Variants in KPNA6 observed in about 807,000 individuals in gnomAD.
The protein encoded by KPNA6 is importin subunit alpha-7.
KPNA6 carries 9 observed loss-of-function variants against 72.0 expected under a neutral mutation model. The observed-to-expected ratio is 0.13, with a 90% CI of 0.08 to 0.22. KPNA6 has a LOEUF of 0.22. Ranked by LOEUF, KPNA6 falls within the 10% of genes least tolerant of loss-of-function variation. The pLI is 1.00. For missense variants in KPNA6, 374 were observed against 655.7 expected, an observed-to-expected ratio of 0.57 and a Z score of 4.69; for synonymous variants, 219 against 242.1, an observed-to-expected ratio of 0.90 and a Z score of 0.89.
At chr1:32,117,463 C>T (rs1641346908) in intron 1 of KPNA6, among the ~76,000 whole-genome samples, 4 of 151,358 alleles carry the variant, frequency 2.6e-5, no homozygotes, top group South Asian at 2.1e-4. Flanking sequence ...TGAGCCACTG[C>T]GCCCGGCCCA....
intron 1 of KPNA6, among the ~76,000 whole-genome samples, chr1:32,137,257 G>T (rs1641750767): frequency 6.6e-6 from 1 of 152,228 alleles, no homozygotes; most frequent in East Asian, 1.9e-4. Context: ...GCTCACTGTA[G>T]TCTCAAGCTC....
chr1:32,157,639 T>C (rs1461966802), intron 4 of KPNA6, among the ~76,000 whole-genome samples, 194 bp downstream of exon 4: 2 of 152,232 alleles, frequency 1.3e-5, no homozygotes, highest in Non-Finnish European at 2.9e-5. Flanking sequence ...TATTCCCAGA[T>C]ATCTTTGTAG....
rs563230468 is a variant in KPNA6 at position 32,143,386 on chromosome 1, T to C, written c.5-11202T>C. Among the ~76,000 whole-genome samples the C allele has an allele frequency of 1.5e-3, 233 of 151,722 alleles. 1 individual carries two copies. The highest frequency in any genetic ancestry group is 2.9e-3 in the Non-Finnish European group (196 of 67,842). ...AATGCCGATTAAAAAAAAAAATTAT[T>C]CCAGCCTGGGCAACATGGAGAAACT... On this transcript the variant is annotated intron_variant, in intron 1 of 13. Coordinates refer to ENST00000373625, the MANE Select transcript of KPNA6 (RefSeq NM_012316.5).
chr1:32,145,161 G>C (rs185745930), intron 1 of KPNA6, among the ~76,000 whole-genome samples: 1 of 150,874 alleles, frequency 6.6e-6, no homozygotes, highest in Admixed American at 6.6e-5. Flanking sequence ...GGGTTTCACT[G>C]GGTTAGCCAG....
chr1:32,109,951 G>A (rs1017101356), intron 1 of KPNA6, among the ~76,000 whole-genome samples: 1 of 151,724 alleles, frequency 6.6e-6, no homozygotes, highest in East Asian at 1.9e-4. Context: ...CACCATGCCC[G>A]GCCACTTTGA....
chr1:32,157,586 A>G (rs1236240761), intron 4 of KPNA6, 141 bp downstream of exon 4: 1 of 611,298 alleles, frequency 1.6e-6, no homozygotes. Context: ...AGATAGACAC[A>G]TTGCTACCTT....
At chr1:32,165,992 T>A in intron 10 of KPNA6, 113 bp from the exon 11 acceptor site, 2 of 1,212,088 alleles carry the variant, frequency 1.7e-6, no homozygotes, top group Non-Finnish European at 2.2e-6. Context: ...AGCGAGACTC[T>A]GTCTCAAAAA....
At chr1:32,152,843 T>TA (rs912217375) in intron 1 of KPNA6, among the ~76,000 whole-genome samples, 12 of 148,760 alleles carry the variant, frequency 8.1e-5, no homozygotes, top group Non-Finnish European at 1.3e-4. Context: ...AGACTCTGTC[T>TA]AAAAAAAATA....
chr1:32,164,809 T>C (rs1445107491), intron 10 of KPNA6, among the ~76,000 whole-genome samples: 1 of 152,144 alleles, frequency 6.6e-6, no homozygotes, highest in Admixed American at 6.5e-5. Flanking sequence ...TATTAATCTC[T>C]TATCAGACAC....
chr1:32,139,182 C>G (rs1215129909), intron 1 of KPNA6, among the ~76,000 whole-genome samples: 2 of 151,936 alleles, frequency 1.3e-5, no homozygotes, highest in Non-Finnish European at 2.9e-5. Context: ...GTTGTAGATG[C>G]CGGGGATACA....
At chr1:32,108,510 G>C (rs1189514945) in intron 1 of KPNA6, among the ~76,000 whole-genome samples, 1 of 152,248 alleles carries the variant, frequency 6.6e-6, no homozygotes, top group Non-Finnish European at 1.5e-5. Flanking sequence ...TTTCTCCTGG[G>C]TTGTGTTTGG....
Position 32,158,256 on chromosome 1 carries a change from C to T in KPNA6, c.332-11C>T, listed in dbSNP as rs1269910277. On this transcript the variant is annotated splice_polypyrimidine_tract_variant and intron_variant, in intron 4 of 13. Transcript: ENST00000373625. The stretch of plus-strand genomic sequence containing the variant: ...CTCCTGTGTTTTTATTTTCCCTTCT[C>T]CCTTATCCAGAGCCTAGTCCTCCAA... The T allele has an allele frequency of 6.3e-7, 1 of 1,587,408 alleles. No individual in the cohort carries two copies. The highest frequency in any genetic ancestry group is 2.2e-5 in the East Asian group (1 of 44,704).
intron 8 of KPNA6, 22 bp downstream of exon 8, chr1:32,162,068 C>A (rs752043851): frequency 5.1e-6 from 8 of 1,568,772 alleles, no homozygotes; most frequent in Non-Finnish European, 6.1e-6. Flanking sequence ...ACTTACTAGA[C>A]CCTGAGTGAC....
In KPNA6 at chr1:32,174,162, G is replaced by GC. The variant is rs879040928; in HGVS notation, c.*3277dup. 3.2e-3 allele frequency: 482 copies of GC among 149,998 alleles called. 4 individuals are homozygous for GC. In the East Asian group the frequency reaches 0.032, roughly 10 times the overall value. 9.3% of individuals were successfully genotyped at this position (149,998 alleles called of 1,614,324 possible). ...TTACATGGGTCAGGGAATACAAATG[G>GC]CCCCCCCCCAGGGAGCAGGTGTTGG... On this transcript the variant is annotated 3_prime_UTR_variant, in exon 14 of 14. Transcript: ENST00000373625.
At chr1:32,118,752 C>T (rs1641370495) in intron 1 of KPNA6, among the ~76,000 whole-genome samples, 1 of 151,668 alleles carries the variant, frequency 6.6e-6, no homozygotes, top group African/African-American at 2.4e-5. Context: ...TATGATCTCA[C>T]CATTGTACTC....
intron 11 of KPNA6, among the ~76,000 whole-genome samples, chr1:32,166,581 C>T (rs545579033): frequency 2.1e-5 from 3 of 145,152 alleles, no homozygotes; most frequent in Admixed American, 1.4e-4. Flanking sequence ...GCTGAGATCA[C>T]GCCACTGCAC....
chr1:32,171,039 C>T lies in KPNA6; in HGVS notation c.*145C>T, dbSNP rs535910223. 102 of 690,844 alleles carry T rather than the reference C, an allele frequency of 1.5e-4. 1 individual carries two copies. The highest frequency in any genetic ancestry group is 9.5e-4 in the South Asian group (52 of 55,024). The allele number at this position is 690,844 out of a possible 1,614,324, so 42.8% of individuals were successfully genotyped here. On this transcript the variant is annotated 3_prime_UTR_variant, in exon 14 of 14. Transcript: ENST00000373625. ...GAGACTGTGCTCTTGACCTGCTCCG[C>T]CCCCTTCCCTGGAGGGAGCACCCTC...
chr1:32,157,350 G>C lies in KPNA6; in HGVS notation c.236G>C (p.Ser79Thr). Residue 79 changes from serine to threonine, a missense_variant, in exon 4 of 14, where the codon AGT (serine) becomes ACT (threonine). By Grantham distance (58) the Ser-to-Thr change is moderately conservative. Transcript: ENST00000373625. ...TAAACTTGTTTTATGTTCTAGGAGA[G>C]TGTGATCACAAGAGAGATGGTGGAG... ...DSYVSSTTGE[S>T]VITREMVEML... is the part of the protein sequence containing the mutation. 6.2e-7 allele frequency: 1 copy of C among 1,612,512 alleles called. No individual in the cohort carries two copies. Among genetic ancestry groups the C allele is most frequent in the Non-Finnish European group, 8.5e-7 (1 of 1,178,510 alleles).
chr1:32,131,688 GTA>G (rs754820964), intron 1 of KPNA6, among the ~76,000 whole-genome samples: 15 of 147,622 alleles, frequency 1.0e-4, no homozygotes, highest in Admixed American at 1.4e-4. Context: ...GTGTGCGTGT[GTA>G]TATATATATA....
Sources: gnomAD v4.1 joint callset for allele counts (sites outside exome capture counted in the v4.1 genomes callset) on GRCh38, gnomAD v4.1.1 for gene constraint, MANE v1.5 for transcripts, NCBI Gene and HGNC (gene_info 2026-07-23, HGNC 2026-07-21) for gene names.